PREX1: variants seen among roughly 807,000 people sequenced by gnomAD.
PREX1 encodes phosphatidylinositol 3,4,5-trisphosphate-dependent Rac exchanger 1 protein.
In PREX1, 41 loss-of-function variants were observed where a neutral mutation model predicts 198.3. The observed-to-expected ratio is 0.21, with a 90% CI of 0.16 to 0.27. The LOEUF (loss-of-function observed/expected upper bound fraction) is 0.27. Among genes scored for constraint, PREX1 ranks in the 10% least tolerant of loss-of-function variants. The pLI is 1.00. For synonymous variants in PREX1, 843 were observed against 887.2 expected (o/e 0.95, Z 0.89); for missense variants, 1,620 against 2,200.7 (o/e 0.74, Z 5.28).
chr20:48,639,869 T>C lies in PREX1; in HGVS notation c.3801A>G (p.Thr1267=), dbSNP rs2089395460. 2.5e-6 allele frequency: 4 copies of C among 1,613,938 alleles called. No homozygotes were observed. The highest frequency in any genetic ancestry group is 1.1e-5 in the South Asian group (1 of 91,088). Residue 1267 remains threonine (T), a synonymous_variant, in exon 30 of 40, where the codon ACA becomes ACG. Coordinates refer to ENST00000371941, the MANE Select transcript of PREX1 (RefSeq NM_020820.4). ...LQEFKQKEEC[T]IRGRSLIQIS... is the part of the protein sequence containing the mutation. ...TCTGGATCAGGCTCCGGCCACGGAT[T>C]GTACACTCTTCTTTCTGTTTAAACT... is the stretch of plus-strand genomic sequence containing the variant.
chr20:48,835,625 G>A, the PREX1 span, among the ~76,000 whole-genome samples: 1 of 152,214 alleles, frequency 6.6e-6, no homozygotes, highest in Non-Finnish European at 1.5e-5. Context: ...CTTGGAGGTA[G>A]GAGTGTGTCC....
At chr20:48,632,934 G>A (rs1196160426) in intron 33 of PREX1, among the ~76,000 whole-genome samples, 1 of 152,182 alleles carries the variant, frequency 6.6e-6, no homozygotes, top group African/African-American at 2.4e-5. Context: ...TGAACCTGAT[G>A]CGGACTCTGC....
At chr20:48,870,031 A>G in the PREX1 span, among the ~76,000 whole-genome samples, 1 of 152,146 alleles carries the variant, frequency 6.6e-6, no homozygotes. Context: ...AATAAAATAA[A>G]CAATGCTGCC....
At chr20:48,736,296 C>T (rs1487824098) in intron 3 of PREX1, among the ~76,000 whole-genome samples, 6 of 152,164 alleles carry the variant, frequency 3.9e-5, no homozygotes, top group Non-Finnish European at 8.8e-5. Flanking sequence ...CCCCCATACA[C>T]ACACACATAC....
chr20:48,696,101 T>C (rs192935719), intron 7 of PREX1, among the ~76,000 whole-genome samples: 2 of 152,358 alleles, frequency 1.3e-5, no homozygotes, highest in Admixed American at 1.3e-4. Context: ...AAATTCTTAA[T>C]TACAGTATAG....
intron 11 of PREX1, 30 bp from the exon 12 acceptor site, chr20:48,679,784 G>A (rs149008213): frequency 1.9e-6 from 3 of 1,556,774 alleles, no homozygotes; most frequent in East Asian, 2.2e-5. Flanking sequence ...TGTGACGCTG[G>A]GCACGCCCCC....
chr20:48,631,626 G>C (rs1489660796), intron 35 of PREX1, among the ~76,000 whole-genome samples: 1 of 152,190 alleles, frequency 6.6e-6, no homozygotes, highest in Non-Finnish European at 1.5e-5. Context: ...AACGAATGAA[G>C]CCTCATTCTC....
chr20:48,659,304 AAAGAG>A (rs548568269), intron 16 of PREX1, among the ~76,000 whole-genome samples: 1 of 141,978 alleles, frequency 7.0e-6, no homozygotes, highest in South Asian at 2.4e-4. Context: ...GAAAACAAGA[AAAGAG>A]AAAAGAAAGA....
intron 1 of PREX1, among the ~76,000 whole-genome samples, chr20:48,778,299 C>T (rs192670108): frequency 6.6e-6 from 1 of 152,088 alleles, no homozygotes; most frequent in African/African-American, 2.4e-5. Context: ...TATGGCCAGG[C>T]ACAGTGGCTC....
chr20:48,649,886 A>G, intron 24 of PREX1, 110 bp downstream of exon 24: 6 of 1,284,144 alleles, frequency 4.7e-6, no homozygotes, highest in Middle Eastern at 1.9e-4. Flanking sequence ...ATCCCTGATG[A>G]CCATGGAGCC....
chr20:48,864,329 A>T, the PREX1 span, among the ~76,000 whole-genome samples: 3 of 152,234 alleles, frequency 2.0e-5, no homozygotes, highest in Non-Finnish European at 2.9e-5. Flanking sequence ...ACCACTGGGA[A>T]CAAGAGAGAT....
chr20:48,639,745 G>GCACC (rs777157295), intron 30 of PREX1, 21 bp downstream of exon 30: 1 of 1,612,186 alleles, frequency 6.2e-7, no homozygotes, highest in South Asian at 1.1e-5. Flanking sequence ...CCACCATGAT[G>GCACC]CACCCTCCCT....
At position 48,779,233 on chromosome 20, in the gene PREX1, C is replaced by A. The variant is rs146654382; in HGVS notation, c.220-31353G>T. 2.0e-5 allele frequency among the ~76,000 whole-genome samples: 3 copies of A among 152,244 alleles called. No individual in the cohort carries two copies. In the East Asian group the frequency reaches 5.8e-4, roughly 29 times the overall value. On this transcript the variant is annotated intron_variant, in intron 1 of 39. Coordinates refer to ENST00000371941, the MANE Select transcript of PREX1 (RefSeq NM_020820.4). ...GAAGTATATAAATGGTAAATATGCA[C>A]ATGAAAAGATAGGCAGCATCATTAG...
In PREX1 at chr20:48,649,465, T is replaced by A. The variant is rs759262364; in HGVS notation, c.3140A>T (p.Asp1047Val). The A allele has an allele frequency of 6.2e-7, 1 of 1,614,166 alleles. No homozygotes were observed. Among genetic ancestry groups the A allele is most frequent in the Non-Finnish European group, 8.5e-7 (1 of 1,180,020 alleles). ...CCCACTGGCTGGCCCGAAGCTGCCATCATGGAGACCCTGGCCTTGGGGATC... is the reference window on the plus strand; with the variant it reads ...CCCACTGGCTGGCCCGAAGCTGCCAACATGGAGACCCTGGCCTTGGGGATC... Reference protein sequence around the residue: ...EGDPQGQGLHDGSFGPASGTL... With the variant: ...EGDPQGQGLHVGSFGPASGTL... Residue 1047 changes from aspartate (D) to valine (V), a missense_variant, in exon 25 of 40, where the codon GAT becomes GTT. Around this residue, in one of 7 missense-constraint regions of PREX1, gnomAD observed 514 missense variants for 611.6 expected, o/e 0.84. Transcript: ENST00000371941.
chr20:48,734,421 C>A (rs1568843798), intron 4 of PREX1, 125 bp downstream of exon 4: 7 of 842,500 alleles, frequency 8.3e-6, no homozygotes, highest in Non-Finnish European at 1.2e-5. Flanking sequence ...CTGCTTTAGG[C>A]AGGAGATTAC....
At position 48,661,468 on chromosome 20, in the gene PREX1, T is replaced by TATATATATATATAC. The variant is rs1373152651; in HGVS notation, c.1739-1408_1739-1407insGTATATATATATAT. ...AAATATATATATATATATATATATA[T>TATATATATATATAC]ACACACACATATATATAATATAATA... On this transcript the variant is annotated intron_variant, in intron 15 of 39. Coordinates refer to ENST00000371941, the MANE Select transcript of PREX1 (RefSeq NM_020820.4). Among the ~76,000 whole-genome samples, 212 of 76,724 alleles carry TATATATATATATAC rather than the reference T, an allele frequency of 2.8e-3. 2 individuals are homozygous for TATATATATATATAC. The highest frequency in any genetic ancestry group is 7.7e-3 in the African/African-American group (77 of 9,946). The allele number at this position is 76,724 out of a possible 152,430, so 50.3% of individuals were successfully genotyped here.
chr20:48,778,425 CAA>C (rs35297652), intron 1 of PREX1, among the ~76,000 whole-genome samples: 30 of 117,458 alleles, frequency 2.6e-4, no homozygotes, highest in Non-Finnish European at 2.8e-4. Flanking sequence ...AGTCAAAAAT[CAA>C]AAAAAAAAAA....
chr20:48,876,995 C>T, the PREX1 span, among the ~76,000 whole-genome samples: 2,050 of 152,154 alleles, frequency 0.013, 45 homozygotes, highest in African/African-American at 0.047. Flanking sequence ...ATAGGCCGGG[C>T]GCAATGGCTC....
At chr20:48,828,334 C>G (rs993684895), upstream of PREX1, among the ~76,000 whole-genome samples, 5 of 152,038 alleles carry the variant, frequency 3.3e-5, no homozygotes, top group African/African-American at 1.2e-4. Context: ...CCCCAACCCG[C>G]AGTCACCGCG....
Sources: gnomAD v4.1 joint callset for allele counts (sites outside exome capture counted in the v4.1 genomes callset) on GRCh38, gnomAD v4.1.1 for gene constraint, gnomAD v4.1.1 regional missense constraint, MANE v1.5 for transcripts, NCBI Gene and HGNC (gene_info 2026-07-23, HGNC 2026-07-21) for gene names.